Variants in PRDM5 observed in about 807,000 individuals in gnomAD.
PRDM5 encodes PR/SET domain 5, also known as PR domain zinc finger protein 5.
Under a neutral mutation model 81.2 loss-of-function variants are expected in PRDM5, and 56 were observed. That is an observed-to-expected ratio of 0.69 (90% CI 0.56 to 0.86). PRDM5 has a LOEUF of 0.86. Ranked by LOEUF, PRDM5 falls within the 40% of genes least tolerant of loss-of-function variation. The probability of loss-of-function intolerance (pLI) is 0.00; values close to 1 mark genes in which losing one functional copy is unlikely to be tolerated. For synonymous variants in PRDM5, 267 were observed against 256.4 expected, an observed-to-expected ratio of 1.04 and a Z score of -0.39; for missense variants, 697 against 770.1, an observed-to-expected ratio of 0.91 and a Z score of 1.12.
intron 8 of PRDM5, among the ~76,000 whole-genome samples, chr4:120,800,248 G>T (rs1357008664): frequency 1.3e-5 from 2 of 152,120 alleles, no homozygotes; most frequent in African/African-American, 4.8e-5. Context: ...AGATGCAGTG[G>T]CTCACATTTG....
intron 14 of PRDM5, among the ~76,000 whole-genome samples, chr4:120,742,593 T>C (rs1180492628): frequency 6.6e-6 from 1 of 152,124 alleles, no homozygotes; most frequent in African/African-American, 2.4e-5. Context: ...AAGGAGCTGA[T>C]GGAGCTGAAA....
chr4:120,751,641 G>A (rs1475134394), intron 14 of PRDM5, among the ~76,000 whole-genome samples: 1 of 152,128 alleles, frequency 6.6e-6, no homozygotes, highest in East Asian at 1.9e-4. Context: ...ATATACTGAA[G>A]GAAATAAAAT....
intron 13 of PRDM5, among the ~76,000 whole-genome samples, chr4:120,775,274 T>G (rs1747984301): frequency 6.6e-6 from 1 of 152,150 alleles, no homozygotes; most frequent in African/African-American, 2.4e-5. Context: ...ATATATTTAA[T>G]AATTTTATCA....
chr4:120,735,828 T>C (rs1265388871), intron 14 of PRDM5, among the ~76,000 whole-genome samples: 2 of 152,108 alleles, frequency 1.3e-5, no homozygotes, highest in African/African-American at 4.8e-5. Context: ...AGGCTCAGGC[T>C]CAAGAAAAGA....
intron 8 of PRDM5, among the ~76,000 whole-genome samples, chr4:120,802,472 A>T (rs1381189412): frequency 1.3e-5 from 2 of 152,218 alleles, no homozygotes; most frequent in Non-Finnish European, 2.9e-5. Context: ...GGGCAGACTG[A>T]CACCCCACAT....
At chr4:120,885,181 C>G (rs931519676) in intron 2 of PRDM5, among the ~76,000 whole-genome samples, 2 of 125,472 alleles carry the variant, frequency 1.6e-5, no homozygotes, top group Non-Finnish European at 3.3e-5. Flanking sequence ...AAAAGACATA[C>G]GACACATTAC....
intron 2 of PRDM5, among the ~76,000 whole-genome samples, chr4:120,859,595 C>G (rs1760329908): frequency 6.6e-6 from 1 of 152,110 alleles, no homozygotes; most frequent in South Asian, 2.1e-4. Flanking sequence ...TATCTTAACA[C>G]TATTATTCAA....
At chr4:120,813,894 A>G (rs1277158407) in intron 7 of PRDM5, among the ~76,000 whole-genome samples, 1 of 152,122 alleles carries the variant, frequency 6.6e-6, no homozygotes, top group Non-Finnish European at 1.5e-5. Context: ...GGAGAGAAAG[A>G]AACAGATTTC....
At chr4:120,760,158 A>G (rs1561124494) in intron 13 of PRDM5, among the ~76,000 whole-genome samples, 1 of 152,210 alleles carries the variant, frequency 6.6e-6, no homozygotes, top group East Asian at 1.9e-4. Flanking sequence ...CATTTTGTGT[A>G]AATTGGGTTA....
intron 3 of PRDM5, 137 bp downstream of exon 3, chr4:120,853,281 G>A (rs1759496525): frequency 3.0e-6 from 4 of 1,320,498 alleles, no homozygotes; most frequent in Admixed American, 1.7e-5. Flanking sequence ...CTGACTAGAT[G>A]AGATTTCTCT....
chr4:120,889,051 T>C (rs367846915), intron 2 of PRDM5, among the ~76,000 whole-genome samples: 23 of 152,330 alleles, frequency 1.5e-4, no homozygotes, highest in Non-Finnish European at 2.5e-4. Flanking sequence ...TGTAGTATCT[T>C]CTGATAAAGA....
At chr4:120,911,958 C>T (rs753889521) in intron 1 of PRDM5, among the ~76,000 whole-genome samples, 3 of 152,078 alleles carry the variant, frequency 2.0e-5, no homozygotes, top group Non-Finnish European at 2.9e-5. Context: ...CTTTTCAATA[C>T]TAACCATAGT....
rs779660760 is a variant in PRDM5 at position 120,695,105 on chromosome 4, C to T, written c.*6G>A. 6.2e-7 allele frequency: 1 copy of T among 1,611,024 alleles called. No homozygotes were observed. Among genetic ancestry groups the T allele is most frequent in the Non-Finnish European group, 8.5e-7 (1 of 1,177,418 alleles). On this transcript the variant is annotated 3_prime_UTR_variant, in exon 16 of 16. Coordinates refer to ENST00000264808, the MANE Select transcript of PRDM5 (RefSeq NM_018699.4). ...TCTGAATAGTTTAATTCCTTTACAG[C>T]CCCTATTAGCTGTCAGCTACACCAT... is the stretch of plus-strand genomic sequence containing the variant.
chr4:120,767,362 G>A (rs1188535658), intron 13 of PRDM5, among the ~76,000 whole-genome samples: 7 of 152,092 alleles, frequency 4.6e-5, no homozygotes, highest in African/African-American at 1.4e-4. Context: ...GTTGAAAAAC[G>A]CCAACTGGCA....
chr4:120,751,938 G>A (rs1744070882), intron 14 of PRDM5, among the ~76,000 whole-genome samples: 1 of 152,050 alleles, frequency 6.6e-6, no homozygotes, highest in South Asian at 2.1e-4. Flanking sequence ...TGTTAAAATG[G>A]AATTAAAAAC....
At chr4:120,777,051 A>G (rs1237785956) in intron 13 of PRDM5, 137 bp downstream of exon 13, 47 of 1,510,198 alleles carry the variant, frequency 3.1e-5, no homozygotes, top group Non-Finnish European at 4.1e-5. Context: ...TGGGTTGTAC[A>G]ATGCTTTAAG....
intron 2 of PRDM5, among the ~76,000 whole-genome samples, chr4:120,855,301 T>C (rs548479862): frequency 6.6e-6 from 1 of 152,322 alleles, no homozygotes; most frequent in South Asian, 2.1e-4. Context: ...GAATTTAATT[T>C]TTCATATTGT....
chr4:120,756,157 T>C (rs1744706343), intron 13 of PRDM5, among the ~76,000 whole-genome samples: 1 of 152,192 alleles, frequency 6.6e-6, no homozygotes, highest in Non-Finnish European at 1.5e-5. Context: ...GAAAAGATCA[T>C]CTTATTTTAA....
intron 8 of PRDM5, among the ~76,000 whole-genome samples, chr4:120,808,288 C>T (rs962147518): frequency 6.6e-6 from 1 of 152,076 alleles, no homozygotes; most frequent in Non-Finnish European, 1.5e-5. Flanking sequence ...AATCCCTGAG[C>T]TAGAGACAAC....
Sources: gnomAD v4.1 joint callset for allele counts (sites outside exome capture counted in the v4.1 genomes callset) on GRCh38, gnomAD v4.1.1 for gene constraint, MANE v1.5 for transcripts, NCBI Gene and HGNC (gene_info 2026-07-23, HGNC 2026-07-21) for gene names.